SHCBP1: variants seen among roughly 807,000 people sequenced by gnomAD.
SHCBP1 encodes the protein SHC SH2 domain-binding protein 1.
In SHCBP1, 60 loss-of-function variants were observed where a neutral mutation model predicts 75.1. That is an observed-to-expected ratio of 0.80 (90% CI 0.65 to 0.99). The LOEUF is 0.99. Among genes scored for constraint, SHCBP1 ranks in the 50% least tolerant of loss-of-function variants. The pLI, the probability that SHCBP1 is intolerant of heterozygous loss-of-function variation, is 0.00. For missense variants in SHCBP1, 709 were observed against 809.4 expected, an observed-to-expected ratio of 0.88 and a Z score of 1.50; for synonymous variants, 290 against 293.2, an observed-to-expected ratio of 0.99 and a Z score of 0.11.
At position 46,621,238 on chromosome 16, in the gene SHCBP1, C is replaced by A; in HGVS notation, c.103+19G>T. On this transcript the variant is annotated intron_variant, in intron 1 of 12. Coordinates refer to ENST00000303383, the MANE Select transcript of SHCBP1 (RefSeq NM_024745.5). ...CTCCGCTCAGAGGCGGCTCCTCGGCCCCGGCATGGAGAGCTCACCTTTCTC... is the reference window on the plus strand; with the variant it reads ...CTCCGCTCAGAGGCGGCTCCTCGGCACCGGCATGGAGAGCTCACCTTTCTC... 1 of 1,594,844 alleles carries A rather than the reference C, an allele frequency of 6.3e-7. No homozygotes were observed. Among genetic ancestry groups the A allele is most frequent in the Non-Finnish European group, 8.5e-7 (1 of 1,170,266 alleles).
rs374977880 is a variant in SHCBP1, at chr16:46,583,703, T to C, written c.1552-46A>G. 3.2e-6 allele frequency: 5 copies of C among 1,570,710 alleles called. No homozygotes were observed. In the African/African-American group the frequency reaches 6.9e-5, roughly 22 times the overall value. ...GTTTTAGGAACTGTCATATTCAACA[T>C]TTCCTGCCTTAAAAATCTTCTTTAT... is the stretch of plus-strand genomic sequence containing the variant. On this transcript the variant is annotated intron_variant, in intron 11 of 12. Transcript: ENST00000303383.
intron 1 of SHCBP1, among the ~76,000 whole-genome samples, chr16:46,618,660 T>C (rs1965540769): frequency 6.6e-6 from 1 of 152,176 alleles, no homozygotes; most frequent in Non-Finnish European, 1.5e-5. Context: ...GTTTTTGTTT[T>C]AGAAACGGTC....
rs1965495607 is a variant in SHCBP1, at chr16:46,616,122, T to C, written c.420A>G (p.Ala140=). ...GGTATGGTTCAGCAAGCCTCACCAC[T>C]GCCTTCAAGGCTGCAAAGTCCACAT... ...ITDVDFAALK[A]VVRLAEPYLC... The change falls in exon 4 of 13, where the codon GCA becomes GCG. Residue 140 remains alanine (A), a synonymous_variant. Coordinates refer to ENST00000303383, the MANE Select transcript of SHCBP1 (RefSeq NM_024745.5). This position sits in a 1 kb window ranked among gnomAD's most constrained non-coding sequence, Gnocchi z 4.4. 6.8e-6 allele frequency: 11 copies of C among 1,614,202 alleles called. No homozygotes were observed. Among genetic ancestry groups the C allele is most frequent in the Non-Finnish European group, 9.3e-6 (11 of 1,180,026 alleles).
intron 8 of SHCBP1, among the ~76,000 whole-genome samples, chr16:46,601,030 G>A (rs1395272228): frequency 6.9e-6 from 1 of 145,838 alleles, no homozygotes; most frequent in Non-Finnish European, 1.5e-5. Flanking sequence ...AGATCTCAGT[G>A]AGGTGCAGTG....
At chr16:46,603,886 G>T in intron 7 of SHCBP1, 89 bp downstream of exon 7, 6 of 1,492,344 alleles carry the variant, frequency 4.0e-6, no homozygotes, top group Non-Finnish European at 5.4e-6. Context: ...TCTTGGGAAA[G>T]CTCCTGTAAA....
chr16:46,578,611 T>G lies in SHCBP1; in HGVS notation c.*3118A>C, dbSNP rs1436901064. Among the ~76,000 whole-genome samples the G allele has an allele frequency of 2.0e-5, 3 of 152,044 alleles. No homozygotes were observed. Among genetic ancestry groups the G allele is most frequent in the Non-Finnish European group, 4.4e-5 (3 of 68,000 alleles). On this transcript the variant is annotated 3_prime_UTR_variant, in exon 13 of 13. Coordinates refer to ENST00000303383, the MANE Select transcript of SHCBP1 (RefSeq NM_024745.5). ...ACCTGTTTTGTTTTTAAAATATATA[T>G]TTTTTTCTATTAATAGTGAGAACTA...
At chr16:46,600,750 C>T (rs766672454) in intron 8 of SHCBP1, among the ~76,000 whole-genome samples, 8 of 152,186 alleles carry the variant, frequency 5.3e-5, no homozygotes, top group South Asian at 2.1e-4. Flanking sequence ...CGGTGGCGCA[C>T]GCCTGTAATC....
intron 8 of SHCBP1, among the ~76,000 whole-genome samples, chr16:46,602,257 T>C (rs1188683992): frequency 6.6e-6 from 1 of 152,198 alleles, no homozygotes; most frequent in Non-Finnish European, 1.5e-5. Context: ...GTGTTATTTA[T>C]ATACACACAT....
chr16:46,615,961 G>A lies in SHCBP1; in HGVS notation c.581C>T (p.Ala194Val), dbSNP rs1965491000. 1 of 1,613,938 alleles carries A rather than the reference G, an allele frequency of 6.2e-7. No individual in the cohort carries two copies. The highest frequency in any genetic ancestry group is 1.3e-5 in the African/African-American group (1 of 74,872). The change falls in exon 4 of 13, where the codon GCA becomes GTA. Residue 194 changes from alanine to valine, a missense_variant. By Grantham distance (64) the Ala-to-Val change is moderately conservative. Coordinates refer to ENST00000303383, the MANE Select transcript of SHCBP1 (RefSeq NM_024745.5). ...DSGVFDQTAL[A>V]IEHVRFFYQN... ...CTTTTCCTACCTGACATGCTCAATT[G>A]CAAGGGCTGTCTGGTCAAACACTCC...
chr16:46,595,462 G>C (rs1965120918), intron 10 of SHCBP1, 90 bp downstream of exon 10: 2 of 971,064 alleles, frequency 2.1e-6, no homozygotes, highest in Admixed American at 3.4e-5. Flanking sequence ...AAGAGAGTGG[G>C]AGTACACACA....
chr16:46,595,473 T>A, intron 10 of SHCBP1, 79 bp downstream of exon 10: 1 of 1,104,704 alleles, frequency 9.1e-7, no homozygotes, highest in Non-Finnish European at 1.4e-6. Context: ...AGTACACACA[T>A]ACATCTTGGT....
At chr16:46,583,751 G>A in intron 11 of SHCBP1, 94 bp from the exon 12 acceptor site, 1 of 1,442,262 alleles carries the variant, frequency 6.9e-7, no homozygotes, top group Admixed American at 2.3e-5. Context: ...AAAAATAAAA[G>A]GAAAAAGCTA....
chr16:46,611,970 A>G (rs991504619), intron 4 of SHCBP1, among the ~76,000 whole-genome samples: 1 of 152,242 alleles, frequency 6.6e-6, no homozygotes, highest in African/African-American at 2.4e-5. Context: ...TTTATAAAGA[A>G]ATTCCTCAGG....
intron 5 of SHCBP1, among the ~76,000 whole-genome samples, chr16:46,605,597 A>AAAAC (rs1216640259): frequency 2.6e-5 from 4 of 152,298 alleles, no homozygotes; most frequent in African/African-American, 4.8e-5. Context: ...CCTGTCTCAA[A>AAAAC]AAACAAACAA....
intron 10 of SHCBP1, among the ~76,000 whole-genome samples, chr16:46,585,532 C>A (rs1476972005): frequency 1.3e-5 from 2 of 152,144 alleles, no homozygotes; most frequent in Non-Finnish European, 2.9e-5. Flanking sequence ...CAAAAAAAAG[C>A]TGCTCTAACG....
chr16:46,583,184 C>T lies in SHCBP1; in HGVS notation c.1693+332G>A, dbSNP rs184413522. Among the ~76,000 whole-genome samples, 3 of 152,240 alleles carry T rather than the reference C, an allele frequency of 2.0e-5. No individual in the cohort carries two copies. In the East Asian group the frequency reaches 5.8e-4, roughly 29 times the overall value. ...ACACACCCACTGTTGCTGTCACACA[C>T]CCACCATAGCATCACACACCCACCA... On this transcript the variant is annotated intron_variant, in intron 12 of 12. Transcript: ENST00000303383.
intron 5 of SHCBP1, among the ~76,000 whole-genome samples, chr16:46,605,866 A>G (rs541454552): frequency 4.5e-4 from 68 of 152,238 alleles, no homozygotes; most frequent in African/African-American, 1.6e-3. Context: ...TAAAAAAGAA[A>G]CTTTTCCCGC....
At position 46,599,669 on chromosome 16, in the gene SHCBP1, TA is replaced by T. The variant is rs1555519115; in HGVS notation, c.1345+161del. Among the ~76,000 whole-genome samples, 51 of 23,158 alleles carry T rather than the reference TA, an allele frequency of 2.2e-3. 3 individuals are homozygous for T. The East Asian group carries it at 0.05, about 23-fold the overall frequency. 15.2% of individuals were successfully genotyped at this position (23,158 alleles called of 152,430 possible). On this transcript the variant is annotated intron_variant, in intron 9 of 12. Transcript: ENST00000303383. ...CAGGGTTGCCACAACCTTCAATTTG[TA>T]AAAAAAAAAAAAAAAAAAAAAACTC...
chr16:46,608,947 G>A (rs922900376), intron 4 of SHCBP1, among the ~76,000 whole-genome samples: 1 of 152,108 alleles, frequency 6.6e-6, no homozygotes, highest in Admixed American at 6.6e-5. Flanking sequence ...CCAGTACCTG[G>A]CTGGATGGTA....
Sources: allele counts gnomAD v4.1 joint callset (sites outside exome capture counted in the v4.1 genomes callset), GRCh38; gene constraint gnomAD v4.1.1; non-coding constraint Gnocchi (gnomAD v3.1); transcripts MANE v1.5; gene names NCBI Gene and HGNC (gene_info 2026-07-23, HGNC 2026-07-21).